Variants in MMP25 observed in about 807,000 individuals in gnomAD.
MMP25 encodes the protein matrix metallopeptidase 25.
A neutral mutation model predicts 62.1 loss-of-function variants in MMP25; 68 were observed. That is an observed-to-expected ratio of 1.10 (90% CI 0.90 to 1.34). The LOEUF (loss-of-function observed/expected upper bound fraction) is 1.34, where lower values mean the gene tolerates loss of function less well. MMP25 is among the 40% of genes most tolerant of loss of function. The pLI is 0.00. For synonymous variants in MMP25, 407 were observed against 345.6 expected (o/e 1.18, Z -1.97); for missense variants, 942 against 792.5 (o/e 1.19, Z -2.26).
Position 3,059,081 on chromosome 16 carries a change from G to A in MMP25, c.1672G>A (p.Gly558Ser), listed in dbSNP as rs758822516. 1 of 1,545,710 alleles carries A rather than the reference G, an allele frequency of 6.5e-7. No homozygotes were observed. The highest frequency in any genetic ancestry group is 8.7e-7 in the Non-Finnish European group (1 of 1,143,582). Reference protein sequence around the residue: ...PLLLLPLLVGGVASR With the variant: ...PLLLLPLLVGSVASR Reference sequence around the variant, plus strand: ...GCTCCTCTTGCCCCTGCTGGTGGGGGGTGTAGCCTCCCGCTGATGGGGGGA... The same window carrying A: ...GCTCCTCTTGCCCCTGCTGGTGGGGAGTGTAGCCTCCCGCTGATGGGGGGA... Residue 558 changes from glycine (G) to serine (S), a missense_variant, in exon 10 of 10, where the codon GGT (glycine) becomes AGT (serine). Gly to Ser is a moderately conservative substitution (Grantham distance 56). Transcript: ENST00000336577.
At chr16:3,056,006 C>G (rs1956001700) in intron 4 of MMP25, 1 of 450,704 alleles carries the variant, frequency 2.2e-6, no homozygotes, top group South Asian at 1.6e-5. Context: ...AGGCTGTGTT[C>G]TGAGAGTGCC....
intron 7 of MMP25, 148 bp downstream of exon 7, chr16:3,057,761 T>C: frequency 1.4e-6 from 1 of 728,598 alleles, no homozygotes; most frequent in Non-Finnish European, 2.4e-6. Context: ...TGCAGTGGTG[T>C]GATCATGGCT....
rs200987353 is a variant in MMP25, at chr16:3,047,560, C to T, written c.232+13C>T. On this transcript the variant is annotated intron_variant, in intron 2 of 9. Coordinates refer to ENST00000336577, the MANE Select transcript of MMP25 (RefSeq NM_022468.5). ...ACCGGCCGCATGGGTAGGTGGCCCC[C>T]ACCCCTCCCCAGCCCTGCCTCTGCA... 8 of 1,610,102 alleles carry T rather than the reference C, an allele frequency of 5.0e-6. No homozygotes were observed. The highest frequency in any genetic ancestry group is 5.9e-6 in the Non-Finnish European group (7 of 1,178,806).
intron 4 of MMP25, chr16:3,054,627 T>C: frequency 7.1e-6 from 1 of 140,284 alleles, no homozygotes; most frequent in Non-Finnish European, 1.5e-5. Flanking sequence ...CAGGGATGAA[T>C]GGACAGATGC....
At position 3,060,381 on chromosome 16, in the gene MMP25, C is replaced by G. The variant is rs555429887; in HGVS notation, c.*1283C>G. 2.0e-5 allele frequency: 3 copies of G among 152,200 alleles called. No individual in the cohort carries two copies. Among genetic ancestry groups the G allele is most frequent in the South Asian group, 2.1e-4 (1 of 4,820 alleles). 9.4% of individuals were successfully genotyped at this position (152,200 alleles called of 1,614,324 possible). ...TCTGCAGTGTTCCTCCACCCCAGGA[C>G]CAATATGTTCAGGCCACACCGATGG... is the stretch of plus-strand genomic sequence containing the variant. On this transcript the variant is annotated 3_prime_UTR_variant, in exon 10 of 10. Transcript: ENST00000336577.
intron 4 of MMP25, 52 bp from the exon 5 acceptor site, chr16:3,056,981 C>G: frequency 6.6e-7 from 1 of 1,515,488 alleles, no homozygotes. Flanking sequence ...CTTCCTGTGG[C>G]CCCTTTCCCC....
intron 2 of MMP25, 65 bp downstream of exon 2, chr16:3,047,612 T>A: frequency 1.3e-6 from 2 of 1,550,826 alleles, no homozygotes; most frequent in Non-Finnish European, 1.8e-6. Context: ...CCCAACAGCC[T>A]TTAGACCTCA....
chr16:3,047,124 A>G (rs2042529569), intron 1 of MMP25, 108 bp downstream of exon 1: 1 of 1,231,234 alleles, frequency 8.1e-7, no homozygotes, highest in Non-Finnish European at 1.1e-6. Flanking sequence ...TCCAATATCC[A>G]AAGAGTGACT....
rs936630010 is a variant in MMP25 at position 3,060,374 on chromosome 16, C to G, written c.*1276C>G. ...CTGTGGCTCTGCAGTGTTCCTCCAC[C>G]CCAGGACCAATATGTTCAGGCCACA... On this transcript the variant is annotated 3_prime_UTR_variant, in exon 10 of 10. Coordinates refer to ENST00000336577, the MANE Select transcript of MMP25 (RefSeq NM_022468.5). The G allele has an allele frequency of 6.6e-6, 1 of 152,152 alleles. No homozygotes were observed. Among genetic ancestry groups the G allele is most frequent in the African/African-American group, 2.4e-5 (1 of 41,382 alleles). The allele number at this position is 152,152 out of a possible 1,614,324, so 9.4% of individuals were successfully genotyped here.
Position 3,050,098 on chromosome 16 carries a change from T to A in MMP25, c.322T>A (p.Tyr108Asn). The A allele has an allele frequency of 6.2e-7, 1 of 1,611,516 alleles. No homozygotes were observed. The highest frequency in any genetic ancestry group is 1.3e-5 in the African/African-American group (1 of 75,046). ...VAGLVRRRRR[Y>N]ALSGSVWKKR... The stretch of plus-strand genomic sequence containing the variant: ...GGGGCTGGTCAGGCGGCGTCGCCGG[T>A]ACGCTCTGAGCGGCAGCGTGTGGAA... Residue 108 changes from tyrosine to asparagine, a missense_variant, in exon 3 of 10, where the codon TAC becomes AAC. Coordinates refer to ENST00000336577, the MANE Select transcript of MMP25 (RefSeq NM_022468.5).
Position 3,060,552 on chromosome 16 carries a change from C to T in MMP25, c.*1454C>T, listed in dbSNP as rs911005283. ...GGGTTGCCCCAGTTGCTCATACAAA[C>T]AGATCAGCATGAGGACAGAAGGCAG... On this transcript the variant is annotated 3_prime_UTR_variant, in exon 10 of 10. Transcript: ENST00000336577. 3.9e-5 allele frequency: 6 copies of T among 152,318 alleles called. No homozygotes were observed. Among genetic ancestry groups the T allele is most frequent in the African/African-American group, 1.4e-4 (6 of 41,552 alleles). 9.4% of individuals were successfully genotyped at this position (152,318 alleles called of 1,614,324 possible).
chr16:3,049,414 G>A (rs988395595), intron 2 of MMP25, among the ~76,000 whole-genome samples: 3 of 152,140 alleles, frequency 2.0e-5, no homozygotes, highest in Non-Finnish European at 2.9e-5. Context: ...GCATCTATAT[G>A]TCCTTCATCA....
In MMP25 at chr16:3,059,203, C is replaced by G. The variant is rs1467814787; in HGVS notation, c.*105C>G. ...GCTGCGGAGGCCCCTTGTCTGTTCC[C>G]ACGGACGGGGGCTCGGGCGCGGACT... On this transcript the variant is annotated 3_prime_UTR_variant, in exon 10 of 10. Coordinates refer to ENST00000336577, the MANE Select transcript of MMP25 (RefSeq NM_022468.5). 2 of 1,311,152 alleles carry G rather than the reference C, an allele frequency of 1.5e-6. No individual in the cohort carries two copies. The highest frequency in any genetic ancestry group is 3.0e-5 in the African/African-American group (2 of 66,226). 81.2% of individuals were successfully genotyped at this position (1,311,152 alleles called of 1,614,324 possible).
intron 2 of MMP25, among the ~76,000 whole-genome samples, chr16:3,048,367 G>C (rs1249109506): frequency 6.6e-6 from 1 of 152,184 alleles, no homozygotes; most frequent in African/African-American, 2.4e-5. Flanking sequence ...CAATGGTATA[G>C]TGATAAATAA....
chr16:3,050,864 T>C (rs889735691), intron 4 of MMP25, among the ~76,000 whole-genome samples: 7 of 152,176 alleles, frequency 4.6e-5, no homozygotes, highest in Non-Finnish European at 7.3e-5. Context: ...CGATCACGGC[T>C]CACTGCAGCC....
rs755179979 is a variant in MMP25, at chr16:3,049,948, T to A, written c.233-61T>A. Reference sequence around the variant, plus strand: ...TCCCATGTAGAAAGTTGACTGGTGCTATGATTAAGGCAGGCTCTCCTATTG... The same window carrying A: ...TCCCATGTAGAAAGTTGACTGGTGCAATGATTAAGGCAGGCTCTCCTATTG... On this transcript the variant is annotated intron_variant, in intron 2 of 9. Coordinates refer to ENST00000336577, the MANE Select transcript of MMP25 (RefSeq NM_022468.5). The A allele has an allele frequency of 4.4e-6, 7 of 1,598,468 alleles. No individual in the cohort carries two copies. In the African/African-American group the frequency reaches 6.7e-5, roughly 15 times the overall value.
In MMP25 at chr16:3,046,843, C is replaced by A; in HGVS notation, c.-75C>A. On this transcript the variant is annotated 5_prime_UTR_variant, in exon 1 of 10. Transcript: ENST00000336577. ...CCCCGCCCTCTCCAGGCCCGGATCT[C>A]CTCCCCCAGGTCCCCGGGGCGGCCC... The A allele has an allele frequency of 2.4e-6, 2 of 838,434 alleles. No individual in the cohort carries two copies. The highest frequency in any genetic ancestry group is 3.4e-5 in the East Asian group (1 of 29,384). The allele number at this position is 838,434 out of a possible 1,614,324, so 51.9% of individuals were successfully genotyped here. A position where few individuals can be genotyped will look rare whatever the true frequency, so the allele number is the denominator to read the frequency against.
At position 3,059,190 on chromosome 16, in the gene MMP25, C is replaced by CCT. The variant is rs1407867315; in HGVS notation, c.*93_*94dup. 3 of 1,380,628 alleles carry CCT rather than the reference C, an allele frequency of 2.2e-6. No individual in the cohort carries two copies. In the East Asian group the frequency reaches 7.8e-5, roughly 36 times the overall value. 85.5% of individuals were successfully genotyped at this position (1,380,628 alleles called of 1,614,324 possible). A position where few individuals can be genotyped will look rare whatever the true frequency, so the allele number is the denominator to read the frequency against. On this transcript the variant is annotated 3_prime_UTR_variant, in exon 10 of 10. Transcript: ENST00000336577. ...GGGGTTGTGAGGCGCTGCGGAGGCCCCTTGTCTGTTCCCACGGACGGGGGC... is the reference window on the plus strand; with the variant it reads ...GGGGTTGTGAGGCGCTGCGGAGGCCCCTCTTGTCTGTTCCCACGGACGGGGGC...
In MMP25 at chr16:3,053,784, TG is replaced by T. The variant is rs1177105598; in HGVS notation, c.661+3242del. 1.3e-5 allele frequency: 2 copies of T among 151,876 alleles called. 1 individual carries two copies. The highest frequency in any genetic ancestry group is 4.8e-5 in the African/African-American group (2 of 41,302). 9.4% of individuals were successfully genotyped at this position (151,876 alleles called of 1,614,324 possible). On this transcript the variant is annotated intron_variant, in intron 4 of 9. Coordinates refer to ENST00000336577, the MANE Select transcript of MMP25 (RefSeq NM_022468.5). ...GAAGGAGGAAGTGGTCAGCTGTGGC[TG>T]GGGCAAAACAAGCCCAGTAAGTTAC...
Sources: gnomAD v4.1 joint callset for allele counts (sites outside exome capture counted in the v4.1 genomes callset) on GRCh38, gnomAD v4.1.1 for gene constraint, MANE v1.5 for transcripts, NCBI Gene and HGNC (gene_info 2026-07-23, HGNC 2026-07-21) for gene names.